CADM2: variants seen among roughly 807,000 people sequenced by gnomAD.
The protein encoded by CADM2 is immunoglobulin superfamily member 4D.
A neutral mutation model predicts 49.8 loss-of-function variants in CADM2; 12 were observed. The observed-to-expected ratio is 0.24, with a 90% CI of 0.15 to 0.39. CADM2 has a LOEUF of 0.39. Among genes scored for constraint, CADM2 ranks in the 10% least tolerant of loss-of-function variants. CADM2 has a pLI of 1.00. For missense variants in CADM2, 378 were observed against 492.3 expected (o/e 0.77, Z 2.20); for synonymous variants, 214 against 175.4 (o/e 1.22, Z -1.74).
chr3:85,563,011 C>CT (rs2107188459), intron 1 of CADM2, among the ~76,000 whole-genome samples: 1 of 152,242 alleles, frequency 6.6e-6, no homozygotes, highest in Admixed American at 6.5e-5. Flanking sequence ...CATTTGGTGT[C>CT]TATCTTCTTG....
chr3:85,567,948 G>A (rs1468551959), intron 1 of CADM2, among the ~76,000 whole-genome samples: 1 of 152,128 alleles, frequency 6.6e-6, no homozygotes, highest in South Asian at 2.1e-4. Context: ...GGGAGGCCCC[G>A]CTCTAGGGAG....
At chr3:85,916,992 A>G (rs190931890) in intron 6 of CADM2, among the ~76,000 whole-genome samples, 5,183 of 151,898 alleles carry the variant, frequency 0.034, 292 homozygotes, top group African/African-American at 0.12. Flanking sequence ...GTCTGTTCAT[A>G]TCCTTCGCCC....
At chr3:85,389,276 T>A (rs956749159) in intron 1 of CADM2, among the ~76,000 whole-genome samples, 9 of 152,070 alleles carry the variant, frequency 5.9e-5, no homozygotes, top group African/African-American at 2.2e-4. Flanking sequence ...GTGAGTATAA[T>A]TGTACCAAAA....
At chr3:85,178,151 A>T (rs1015695020) in intron 1 of CADM2, among the ~76,000 whole-genome samples, 1 of 151,916 alleles carries the variant, frequency 6.6e-6, no homozygotes, top group Non-Finnish European at 1.5e-5. Context: ...ATAAATATAG[A>T]AGTCAGTTTT....
chr3:85,087,292 A>C (rs2037417091), intron 1 of CADM2, among the ~76,000 whole-genome samples: 1 of 152,182 alleles, frequency 6.6e-6, no homozygotes, highest in Admixed American at 6.6e-5. Context: ...AGTATAGGAT[A>C]GAAACAATTG....
At chr3:85,175,867 C>G (rs1020220717) in intron 1 of CADM2, among the ~76,000 whole-genome samples, 1 of 150,884 alleles carries the variant, frequency 6.6e-6, no homozygotes, top group Non-Finnish European at 1.5e-5. Flanking sequence ...TGCGTCACAT[C>G]CAGCAACTGT....
intron 1 of CADM2, among the ~76,000 whole-genome samples, chr3:85,694,348 A>G (rs2066485171): frequency 1.3e-5 from 2 of 152,194 alleles, no homozygotes; most frequent in Non-Finnish European, 2.9e-5. Flanking sequence ...TGTAAGAGGA[A>G]GGGACACCAA....
chr3:85,621,446 A>G (rs55905356), intron 1 of CADM2, among the ~76,000 whole-genome samples: 18,611 of 152,204 alleles, frequency 0.12, 1,261 homozygotes, highest in African/African-American at 0.18. Flanking sequence ...ATCTGCTAAA[A>G]GCAATAACTA....
At chr3:85,912,214 T>G (rs1577642694) in intron 5 of CADM2, among the ~76,000 whole-genome samples, 159 bp from the exon 6 acceptor site, 1 of 152,314 alleles carries the variant, frequency 6.6e-6, no homozygotes, top group Non-Finnish European at 1.5e-5. Flanking sequence ...ATTGTAATTT[T>G]ATTTAATTGA....
chr3:85,850,024 A>T (rs2075034779), intron 3 of CADM2, among the ~76,000 whole-genome samples: 1 of 152,202 alleles, frequency 6.6e-6, no homozygotes. Context: ...AAGGAATGAA[A>T]ACTTAGTATA....
At chr3:85,635,382 C>A (rs183420538) in intron 1 of CADM2, among the ~76,000 whole-genome samples, 256 of 152,196 alleles carry the variant, frequency 1.7e-3, no homozygotes, top group Middle Eastern at 6.8e-3. Context: ...AATACTCTTA[C>A]AGAATTAAGT....
At chr3:86,030,338 C>CA (rs1183230919) in intron 8 of CADM2, among the ~76,000 whole-genome samples, 1 of 151,906 alleles carries the variant, frequency 6.6e-6, no homozygotes, top group African/African-American at 2.4e-5. Context: ...GTTGAAATCT[C>CA]AGAAACACTA....
At chr3:85,914,305 T>C (rs562789979) in intron 6 of CADM2, among the ~76,000 whole-genome samples, 1 of 152,196 alleles carries the variant, frequency 6.6e-6, no homozygotes, top group Admixed American at 6.5e-5. Flanking sequence ...GATTATAAAG[T>C]AGAGGAGTCA....
chr3:85,249,257 A>G (rs1260503390), intron 1 of CADM2, among the ~76,000 whole-genome samples: 4 of 152,034 alleles, frequency 2.6e-5, no homozygotes, highest in Non-Finnish European at 5.9e-5. Flanking sequence ...ATTTTTACCA[A>G]TTTTTCAATC....
chr3:85,358,212 C>T (rs1236747476), intron 1 of CADM2, among the ~76,000 whole-genome samples: 2 of 152,070 alleles, frequency 1.3e-5, no homozygotes, highest in Non-Finnish European at 2.9e-5. Context: ...CCAGTTGTCA[C>T]AATCAAACAT....
At chr3:85,801,529 A>G (rs1290075889) in intron 2 of CADM2, among the ~76,000 whole-genome samples, 1 of 152,140 alleles carries the variant, frequency 6.6e-6, no homozygotes, top group East Asian at 1.9e-4. Flanking sequence ...ATCTACAAGA[A>G]AACCTAGTTA....
At chr3:85,536,209 A>G (rs1438660192) in intron 1 of CADM2, among the ~76,000 whole-genome samples, 1 of 152,048 alleles carries the variant, frequency 6.6e-6, no homozygotes, top group Non-Finnish European at 1.5e-5. Context: ...TGAAGAGAAG[A>G]TTAGAAAAAT....
At chr3:85,719,282 ATACAT>A (rs2067414219) in intron 1 of CADM2, among the ~76,000 whole-genome samples, 1 of 152,162 alleles carries the variant, frequency 6.6e-6, no homozygotes, top group South Asian at 2.1e-4. Context: ...ACTATTTTAT[ATACAT>A]TATCATATTA....
At chr3:85,469,726 A>G (rs1287873263) in intron 1 of CADM2, among the ~76,000 whole-genome samples, 2 of 152,148 alleles carry the variant, frequency 1.3e-5, no homozygotes, top group African/African-American at 4.8e-5. Context: ...TACAAAGAAA[A>G]CCAGAAAAAA....
Sources: gnomAD v4.1 joint callset for allele counts (sites outside exome capture counted in the v4.1 genomes callset) on GRCh38, gnomAD v4.1.1 for gene constraint, MANE v1.5 for transcripts, NCBI Gene and HGNC (gene_info 2026-07-23, HGNC 2026-07-21) for gene names.